CD40: variants seen among roughly 807,000 people sequenced by gnomAD.
The protein encoded by CD40 is CD40 molecule.
Under a neutral mutation model 38.5 loss-of-function variants are expected in CD40, and 19 were observed. That is an observed-to-expected ratio of 0.49 (90% CI 0.34 to 0.72). The LOEUF (loss-of-function observed/expected upper bound fraction) is 0.72, where lower values mean the gene tolerates loss of function less well. Ranked by LOEUF, CD40 falls within the 30% of genes least tolerant of loss-of-function variation. CD40 has a pLI of 0.01. For missense variants in CD40, 256 were observed against 344.1 expected (o/e 0.74, Z 2.03); for synonymous variants, 130 against 128.7 (o/e 1.01, Z -0.07).
At chr20:46,126,118 G>A (rs748678221) in intron 5 of CD40, among the ~76,000 whole-genome samples, 4 of 152,168 alleles carry the variant, frequency 2.6e-5, no homozygotes, top group African/African-American at 4.8e-5. Flanking sequence ...CATTTCATTC[G>A]TCACAAACGG....
rs1358393617 is a variant in CD40 at position 46,128,906 on chromosome 20, CAGG to C, written c.703_705del (p.Glu235del). 3.1e-6 allele frequency: 5 copies of C among 1,614,190 alleles called. No individual in the cohort carries two copies. Among genetic ancestry groups the C allele is most frequent in the Non-Finnish European group, 4.2e-6 (5 of 1,180,030 alleles). On this transcript the variant is annotated inframe_deletion, in exon 9 of 9. Coordinates refer to ENST00000372285, the MANE Select transcript of CD40 (RefSeq NM_001250.6). ...GGCCCCCCACCCCAAGCAGGAACCC[CAGG>C]AGATCAATTTTCCCGACGATCTTCC... is the stretch of plus-strand genomic sequence containing the variant.
chr20:46,122,606 T>C lies in CD40; in HGVS notation c.257-4T>C. 6.2e-7 allele frequency: 1 copy of C among 1,614,094 alleles called. No individual in the cohort carries two copies. The highest frequency in any genetic ancestry group is 1.1e-5 in the South Asian group (1 of 91,072). On this transcript the variant is annotated splice_polypyrimidine_tract_variant and splice_region_variant and intron_variant, in intron 3 of 8. Transcript: ENST00000372285. The surrounding 1 kb of genome is among the most constrained non-coding windows in gnomAD (Gnocchi z 5.0). ...TCCCATCCTTCCTGCCCTTCTCTTC[T>C]CAGACCTAGGGCTTCGGGTCCAGCA...
intron 1 of CD40, among the ~76,000 whole-genome samples, chr20:46,121,549 C>T (rs1050590113): frequency 6.6e-6 from 1 of 152,106 alleles, no homozygotes; most frequent in Admixed American, 6.5e-5. Context: ...GCATCAAGCC[C>T]CAAGGAATTC....
At chr20:46,121,397 G>A (rs1486860156) in intron 1 of CD40, among the ~76,000 whole-genome samples, 1 of 152,188 alleles carries the variant, frequency 6.6e-6, no homozygotes, top group Non-Finnish European at 1.5e-5. Flanking sequence ...AAGGGAAGCA[G>A]AAGAATAGGA....
At chr20:46,127,218 G>C (rs564837568) in intron 6 of CD40, 1 of 160,924 alleles carries the variant, frequency 6.2e-6, no homozygotes, top group Non-Finnish European at 1.4e-5. Context: ...GCTGGGACTA[G>C]AATGAGGTGA....
intron 6 of CD40, among the ~76,000 whole-genome samples, chr20:46,127,657 GA>G (rs961240798): frequency 2.6e-5 from 4 of 151,222 alleles, no homozygotes; most frequent in Admixed American, 1.3e-4. Context: ...TTCCCACTTT[GA>G]AAAAAAAATT....
At position 46,122,706 on chromosome 20, in the gene CD40, G is replaced by C; in HGVS notation, c.353G>C (p.Ser118Thr). 1 of 1,614,180 alleles carries C rather than the reference G, an allele frequency of 6.2e-7. No homozygotes were observed. Among genetic ancestry groups the C allele is most frequent in the Non-Finnish European group, 8.5e-7 (1 of 1,180,032 alleles). Residue 118 changes from serine (S) to threonine (T), a missense_variant, in exon 4 of 9, where the codon AGC becomes ACC. Ser to Thr is a moderately conservative substitution (Grantham distance 58). Coordinates refer to ENST00000372285, the MANE Select transcript of CD40 (RefSeq NM_001250.6). The surrounding 1 kb of genome is among the most constrained non-coding windows in gnomAD (Gnocchi z 5.0). The part of the protein sequence containing the change: ...GWHCTSEACE[S>T]CVLHRSCSPG... ...CACTGTACGAGTGAGGCCTGTGAGA[G>C]CTGTGTCCTGCACCGCTCATGCTCG...
intron 5 of CD40, among the ~76,000 whole-genome samples, chr20:46,124,324 A>T (rs2085378597): frequency 6.6e-6 from 1 of 152,134 alleles, no homozygotes; most frequent in Non-Finnish European, 1.5e-5. Flanking sequence ...TGCCCCATTA[A>T]CTTTTTGCAT....
At chr20:46,123,091 T>C (rs1180372239) in intron 4 of CD40, 35 bp from the exon 5 acceptor site, 3 of 1,495,174 alleles carry the variant, frequency 2.0e-6, no homozygotes. Flanking sequence ...TGGTCCACTG[T>C]GATGGTTAAT....
Position 46,122,190 on chromosome 20 carries a change from T to C in CD40, c.131-43T>C. ...CATTGTGTGGTTAGTGTCTGACTCA[T>C]GGAGTTGGCCAGAGCCCTCCCTCAT... is the stretch of plus-strand genomic sequence containing the variant. On this transcript the variant is annotated intron_variant, in intron 2 of 8. Coordinates refer to ENST00000372285, the MANE Select transcript of CD40 (RefSeq NM_001250.6). This position sits in a 1 kb window ranked among gnomAD's most constrained non-coding sequence, Gnocchi z 5.0. The C allele has an allele frequency of 6.2e-7, 1 of 1,613,182 alleles. No individual in the cohort carries two copies. The highest frequency in any genetic ancestry group is 8.5e-7 in the Non-Finnish European group (1 of 1,179,110).
intron 5 of CD40, among the ~76,000 whole-genome samples, chr20:46,123,870 C>T (rs2085368057): frequency 6.6e-6 from 1 of 152,200 alleles, no homozygotes; most frequent in Non-Finnish European, 1.5e-5. Flanking sequence ...AACTAAGACT[C>T]CTTAGCATGG....
intron 5 of CD40, among the ~76,000 whole-genome samples, chr20:46,125,108 G>A (rs1011278973): frequency 1.3e-5 from 2 of 151,854 alleles, no homozygotes; most frequent in South Asian, 2.1e-4. Flanking sequence ...ATTGGCTTAC[G>A]TATCTGATTA....
At chr20:46,123,400 T>C (rs2085357659) in intron 5 of CD40, among the ~76,000 whole-genome samples, 181 bp downstream of exon 5, 1 of 152,238 alleles carries the variant, frequency 6.6e-6, no homozygotes, top group Admixed American at 6.5e-5. Context: ...TTTTTTTGCC[T>C]GCTGTCTCTT....
chr20:46,128,787 A>G, intron 8 of CD40, 95 bp from the exon 9 acceptor site: 1 of 1,322,370 alleles, frequency 7.6e-7, no homozygotes, highest in Non-Finnish European at 1.1e-6. Flanking sequence ...GAAAGGGGGG[A>G]GGGCTTGGGG....
At chr20:46,121,942 C>A in intron 2 of CD40, 44 bp downstream of exon 2, 1 of 1,501,434 alleles carries the variant, frequency 6.7e-7, no homozygotes, top group Non-Finnish European at 9.3e-7. Flanking sequence ...TCCCCCTTTG[C>A]TTTGGTGGCA....
intron 8 of CD40, 185 bp downstream of exon 8, chr20:46,128,543 A>C: frequency 1.3e-6 from 1 of 741,810 alleles, no homozygotes; most frequent in Non-Finnish European, 2.4e-6. Flanking sequence ...CCCCCACAGA[A>C]CTGCCCCTGG....
chr20:46,124,765 T>TTTTG (rs2085394204), intron 5 of CD40, among the ~76,000 whole-genome samples: 1 of 105,126 alleles, frequency 9.5e-6, no homozygotes, highest in African/African-American at 3.8e-5. Context: ...TTTTTTTTTT[T>TTTTG]TTTTTTTTTT....
At chr20:46,118,435 G>A (rs1231325998) in intron 1 of CD40, 41 bp downstream of exon 1, 1 of 1,604,120 alleles carries the variant, frequency 6.2e-7, no homozygotes, top group African/African-American at 1.3e-5. Flanking sequence ...GTTGGGAGTG[G>A]GGAATGAGAA....
intron 1 of CD40, among the ~76,000 whole-genome samples, chr20:46,119,565 C>T (rs544843495): frequency 6.6e-6 from 1 of 152,110 alleles, no homozygotes; most frequent in Non-Finnish European, 1.5e-5. Context: ...GCAGAGTTTG[C>T]CCTCATAACT....
Sources: gnomAD v4.1 joint callset for allele counts (sites outside exome capture counted in the v4.1 genomes callset) on GRCh38, gnomAD v4.1.1 for gene constraint, Gnocchi (gnomAD v3.1) non-coding constraint, MANE v1.5 for transcripts, NCBI Gene and HGNC (gene_info 2026-07-23, HGNC 2026-07-21) for gene names.